Variants in MPPE1 observed in about 807,000 individuals in gnomAD.
The protein encoded by MPPE1 is metallophosphoesterase 1.
Under a neutral mutation model 43.8 loss-of-function variants are expected in MPPE1, and 28 were observed. The observed-to-expected ratio is 0.64, with a 90% CI of 0.47 to 0.88. MPPE1 has a LOEUF of 0.88. Ranked by LOEUF, MPPE1 falls within the 40% of genes least tolerant of loss-of-function variation. The pLI is 0.00. For missense variants in MPPE1, 428 were observed against 492.2 expected, an observed-to-expected ratio of 0.87 and a Z score of 1.23; for synonymous variants, 159 against 188.5, an observed-to-expected ratio of 0.84 and a Z score of 1.28.
At chr18:11,893,684 T>C (rs2038257704) in intron 3 of MPPE1, 108 bp from the exon 4 acceptor site, 9 of 829,620 alleles carry the variant, frequency 1.1e-5, no homozygotes, top group Admixed American at 4.6e-5. Flanking sequence ...ACTCTCCTTC[T>C]TCCAGAGCCC....
chr18:11,900,766 G>A (rs531336067), intron 2 of MPPE1, among the ~76,000 whole-genome samples: 1 of 152,014 alleles, frequency 6.6e-6, no homozygotes, highest in African/African-American at 2.4e-5. Context: ...AATTAGCCAG[G>A]CGTGGTGGCA....
At chr18:11,900,726 T>A (rs1029553111) in intron 2 of MPPE1, among the ~76,000 whole-genome samples, 2 of 151,454 alleles carry the variant, frequency 1.3e-5, no homozygotes, top group Non-Finnish European at 2.9e-5. Context: ...GCTAACACGG[T>A]GAAACCCCAT....
rs572436400 is a variant in MPPE1, at chr18:11,885,191, G to A, written c.1008+485C>T. On this transcript the variant is annotated intron_variant, in intron 10 of 10. Transcript: ENST00000588072. ...TTTTTATGAAGTAAAAGAACCTGTCGTACCAGCATCATGAGCTGGATGCAG... is the reference window on the plus strand; with the variant it reads ...TTTTTATGAAGTAAAAGAACCTGTCATACCAGCATCATGAGCTGGATGCAG... 3.9e-4 allele frequency: 203 copies of A among 516,422 alleles called. 1 individual carries two copies. The highest frequency in any genetic ancestry group is 3.5e-3 in the South Asian group (141 of 40,654). The allele number at this position is 516,422 out of a possible 1,614,324, so 32.0% of individuals were successfully genotyped here.
chr18:11,898,678 C>T (rs1183873807), intron 2 of MPPE1, among the ~76,000 whole-genome samples: 1 of 152,110 alleles, frequency 6.6e-6, no homozygotes, highest in Non-Finnish European at 1.5e-5. Context: ...ACTGACCCTG[C>T]TGGGACCCAT....
intron 2 of MPPE1, chr18:11,897,569 T>C (rs1034814816): frequency 2.4e-4 from 63 of 258,510 alleles, no homozygotes; most frequent in African/African-American, 1.4e-3. Flanking sequence ...TATGTCAGAA[T>C]AAAGCTATTA....
intron 2 of MPPE1, among the ~76,000 whole-genome samples, chr18:11,901,863 G>A (rs1052752617): frequency 6.6e-5 from 10 of 152,042 alleles, no homozygotes; most frequent in Admixed American, 3.3e-4. Flanking sequence ...AAGGGGGAAC[G>A]GCAAACAAAT....
chr18:11,904,093 A>G (rs1040219020), intron 2 of MPPE1, among the ~76,000 whole-genome samples: 1 of 152,138 alleles, frequency 6.6e-6, no homozygotes, highest in Non-Finnish European at 1.5e-5. Flanking sequence ...TCCAAAAATG[A>G]ATTTAAAATA....
chr18:11,889,447 T>C lies in MPPE1; in HGVS notation c.434A>G (p.His145Arg). ...DVERFQKMFR[H>R]PSHVQLKVVA... ...TACCTTCAGCTGTACATGACTTGGG[T>C]GTCTGAACATTTTCTGAAACCGCTC... The change falls in exon 5 of 11, where the codon CAC (histidine) becomes CGC (arginine). Residue 145 changes from histidine to arginine, a missense_variant. His to Arg is a conservative substitution (Grantham distance 29, BLOSUM62 0). This residue lies in a region of MPPE1 where 379 missense variants were observed against 402.5 expected (regional missense o/e 0.94). Coordinates refer to ENST00000588072, the MANE Select transcript of MPPE1 (RefSeq NM_023075.6). 6.2e-7 allele frequency: 1 copy of C among 1,613,268 alleles called. No individual in the cohort carries two copies.
chr18:11,886,895 T>G lies in MPPE1; in HGVS notation c.678+22A>C. Reference sequence around the variant, plus strand: ...AGCAACACGGGACAGAAGGCACCTGTGGCATTCAGATGCTCTCCTACCTCT... The same window carrying G: ...AGCAACACGGGACAGAAGGCACCTGGGGCATTCAGATGCTCTCCTACCTCT... On this transcript the variant is annotated intron_variant, in intron 7 of 10. Transcript: ENST00000588072. This position sits in a 1 kb window ranked among gnomAD's most constrained non-coding sequence, Gnocchi z 4.1. 1.3e-6 allele frequency: 2 copies of G among 1,599,984 alleles called. No homozygotes were observed. The highest frequency in any genetic ancestry group is 2.2e-5 in the South Asian group (2 of 90,626).
At chr18:11,891,158 A>ATTCCACT (rs1193687066) in intron 4 of MPPE1, 1 of 152,250 alleles carries the variant, frequency 6.6e-6, no homozygotes, top group Non-Finnish European at 1.5e-5. Flanking sequence ...ATTTACAAAG[A>ATTCCACT]TTCCACTTTA....
At chr18:11,889,250 A>T in intron 5 of MPPE1, 137 bp downstream of exon 5, 1 of 567,222 alleles carries the variant, frequency 1.8e-6, no homozygotes, top group Non-Finnish European at 3.1e-6. Flanking sequence ...TAAAGAGTTT[A>T]ATATCCCAGA....
chr18:11,892,133 A>T (rs1396941109), intron 4 of MPPE1, among the ~76,000 whole-genome samples: 1 of 151,754 alleles, frequency 6.6e-6, no homozygotes, highest in African/African-American at 2.4e-5. Context: ...TGAGCTCAGG[A>T]GTTCGAGACC....
chr18:11,894,241 A>G (rs2038323649), intron 3 of MPPE1, among the ~76,000 whole-genome samples: 1 of 152,006 alleles, frequency 6.6e-6, no homozygotes, highest in South Asian at 2.1e-4. Context: ...AGCCTGGCCA[A>G]TATCATGAAA....
chr18:11,888,810 T>C (rs969508322), intron 5 of MPPE1, 67 bp from the exon 6 acceptor site: 3 of 855,994 alleles, frequency 3.5e-6, no homozygotes, highest in African/African-American at 1.8e-5. Flanking sequence ...AGAGTCATCA[T>C]GAACACAAAA....
At chr18:11,903,554 C>T (rs2039402454) in intron 2 of MPPE1, among the ~76,000 whole-genome samples, 1 of 152,196 alleles carries the variant, frequency 6.6e-6, no homozygotes, top group African/African-American at 2.4e-5. Flanking sequence ...CGCCTGTAAT[C>T]CCAGCACTTT....
At chr18:11,890,979 G>C (rs1239596265) in intron 4 of MPPE1, among the ~76,000 whole-genome samples, 1 of 152,022 alleles carries the variant, frequency 6.6e-6, no homozygotes, top group Non-Finnish European at 1.5e-5. Flanking sequence ...TCAGAGTTAT[G>C]TTAGTGTAGT....
At chr18:11,887,335 T>TA (rs1159055010) in intron 6 of MPPE1, among the ~76,000 whole-genome samples, 5 of 144,756 alleles carry the variant, frequency 3.5e-5, no homozygotes, top group Admixed American at 2.7e-4. Context: ...CCTCATCTGT[T>TA]ACAGCGCCTC....
chr18:11,907,102 T>C (rs2039795807), intron 1 of MPPE1, among the ~76,000 whole-genome samples: 1 of 152,054 alleles, frequency 6.6e-6, no homozygotes, highest in African/African-American at 2.4e-5. Flanking sequence ...TTCATCCTCC[T>C]CCCTTTTAGA....
chr18:11,890,948 C>T (rs961111242), intron 4 of MPPE1, among the ~76,000 whole-genome samples: 1 of 152,200 alleles, frequency 6.6e-6, no homozygotes, highest in African/African-American at 2.4e-5. Flanking sequence ...TATTCTGATA[C>T]TTGCTTTAAC....
Sources: allele counts gnomAD v4.1 joint callset (sites outside exome capture counted in the v4.1 genomes callset), GRCh38; gene constraint gnomAD v4.1.1; regional missense constraint gnomAD v4.1.1; non-coding constraint Gnocchi (gnomAD v3.1); transcripts MANE v1.5; gene names NCBI Gene and HGNC (gene_info 2026-07-23, HGNC 2026-07-21).